BRF1: variants seen among roughly 807,000 people sequenced by gnomAD.
BRF1 encodes transcription factor IIIB 90 kDa subunit.
A neutral mutation model predicts 81.7 loss-of-function variants in BRF1; 59 were observed. The ratio of observed to expected loss-of-function variants is 0.72; its 90% CI spans 0.59 to 0.90. The LOEUF is 0.90. Among genes scored for constraint, BRF1 ranks in the 40% least tolerant of loss-of-function variants. The pLI is 0.00. For missense variants in BRF1, 1,050 were observed against 936.3 expected (o/e 1.12, Z -1.58); for synonymous variants, 491 against 395.6 (o/e 1.24, Z -2.86).
At chr14:105,260,790 C>A (rs1348197774) in intron 3 of BRF1, among the ~76,000 whole-genome samples, 1 of 152,258 alleles carries the variant, frequency 6.6e-6, no homozygotes, top group Admixed American at 6.5e-5. Context: ...AATCACCTGG[C>A]ACTTGATCCG....
chr14:105,246,474 T>C (rs1055632339), intron 5 of BRF1, among the ~76,000 whole-genome samples: 1 of 151,228 alleles, frequency 6.6e-6, no homozygotes. Context: ...GCCAGGAGTT[T>C]AAGACCAGCC....
Position 105,221,739 on chromosome 14 carries a change from C to A in BRF1, c.1224G>T (p.Leu408=). Residue 408 remains leucine, a synonymous_variant, in exon 11 of 18, where the codon CTG becomes CTT. Transcript: ENST00000547530. Reference sequence around the variant, plus strand: ...TGGGGAGGGGGTCCAGCAGGGACCCCAGGGCCGGAGGTCTGCCGCCCCACT... The same window carrying A: ...TGGGGAGGGGGTCCAGCAGGGACCCAAGGGCCGGAGGTCTGCCGCCCCACT... ...SPEWGGRPPA[L]GSLLDPLPTA... is the part of the protein sequence containing the mutation. 6.2e-7 allele frequency: 1 copy of A among 1,610,510 alleles called. No homozygotes were observed. The highest frequency in any genetic ancestry group is 2.2e-5 in the East Asian group (1 of 44,860).
intron 3 of BRF1, among the ~76,000 whole-genome samples, chr14:105,267,447 G>GTACAC (rs2056467778): frequency 1.3e-5 from 2 of 151,708 alleles, no homozygotes; most frequent in African/African-American, 4.8e-5. Context: ...GAGACCACAG[G>GTACAC]TACACACCAC....
chr14:105,221,952 G>T, intron 10 of BRF1, 38 bp from the exon 11 acceptor site: 1 of 1,523,078 alleles, frequency 6.6e-7, no homozygotes, highest in Non-Finnish European at 8.8e-7. Flanking sequence ...CAGGCAGAGG[G>T]CCAGGGTGCC....
intron 4 of BRF1, chr14:105,256,268 C>A: frequency 6.5e-7 from 1 of 1,544,938 alleles, no homozygotes; most frequent in Non-Finnish European, 8.7e-7. Context: ...CTAGCTAACA[C>A]CCAACCGTGC....
At chr14:105,301,532 T>G (rs1369987609), upstream of BRF1, among the ~76,000 whole-genome samples, 2 of 152,058 alleles carry the variant, frequency 1.3e-5, no homozygotes, top group East Asian at 3.9e-4. Flanking sequence ...GCAGCTGCGC[T>G]GGGGGGCCTG....
chr14:105,217,266 G>C, intron 15 of BRF1: 1 of 568,706 alleles, frequency 1.8e-6, no homozygotes, highest in Non-Finnish European at 3.1e-6. Flanking sequence ...CCCACGGATT[G>C]TCCCAGCCCC....
chr14:105,220,891 G>T (rs1892175778), intron 11 of BRF1, among the ~76,000 whole-genome samples: 1 of 152,230 alleles, frequency 6.6e-6, no homozygotes, highest in African/African-American at 2.4e-5. Flanking sequence ...TCTGCTCAGG[G>T]TCACTGTGCC....
chr14:105,244,253 G>C (rs906479478), intron 5 of BRF1, among the ~76,000 whole-genome samples: 28 of 152,170 alleles, frequency 1.8e-4, no homozygotes, highest in African/African-American at 6.0e-4. Context: ...AACCAGCCTA[G>C]GCAATATAGT....
intron 15 of BRF1, 56 bp from the exon 16 acceptor site, chr14:105,212,220 A>G: frequency 3.2e-6 from 5 of 1,575,378 alleles, no homozygotes; most frequent in Non-Finnish European, 4.3e-6. Flanking sequence ...ACGCCTGCCC[A>G]CTTGTTCCCT....
intron 3 of BRF1, among the ~76,000 whole-genome samples, chr14:105,258,134 G>GT (rs2140330584): frequency 6.6e-6 from 1 of 152,342 alleles, no homozygotes; most frequent in South Asian, 2.1e-4. Flanking sequence ...ATTGAAGGGG[G>GT]TGTATGGGAA....
intron 5 of BRF1, among the ~76,000 whole-genome samples, chr14:105,251,539 G>A (rs771095445): frequency 1.3e-5 from 2 of 152,174 alleles, no homozygotes; most frequent in Non-Finnish European, 2.9e-5. Flanking sequence ...TGGAAAACCT[G>A]TATGACCCCC....
At position 105,295,404 on chromosome 14, in the gene BRF1, C is replaced by T. The variant is rs7159894; in HGVS notation, c.184+5042G>A. Among the ~76,000 whole-genome samples the T allele has an allele frequency of 7.0e-3, 1,056 of 151,710 alleles. 33 individuals carry two copies. The East Asian group carries it at 0.12, about 17-fold the overall frequency. ...GAGAATTACTTGAGCCCAGGAGTTCCAGACGAGCCTGGTCAACATGGCAAA... is the reference window on the plus strand; with the variant it reads ...GAGAATTACTTGAGCCCAGGAGTTCTAGACGAGCCTGGTCAACATGGCAAA... On this transcript the variant is annotated intron_variant, in intron 1 of 17. Transcript: ENST00000547530.
intron 5 of BRF1, chr14:105,250,952 T>A: frequency 2.3e-6 from 1 of 426,378 alleles, no homozygotes; most frequent in Non-Finnish European, 4.4e-6. Context: ...TGCCACCTGC[T>A]TTGAGGGGTT....
chr14:105,251,058 AG>A (rs2055578604), intron 5 of BRF1: 2 of 228,780 alleles, frequency 8.7e-6, no homozygotes, highest in Non-Finnish European at 1.9e-5. Context: ...CACTTAAAAT[AG>A]TGGACTTCTG....
chr14:105,274,230 T>C (rs1228299567), intron 2 of BRF1, among the ~76,000 whole-genome samples: 2 of 152,164 alleles, frequency 1.3e-5, no homozygotes, highest in African/African-American at 4.8e-5. Flanking sequence ...CTTGCTGACC[T>C]TCTCCCCACT....
chr14:105,228,308 T>G (rs2054155188), intron 7 of BRF1: 2 of 152,944 alleles, frequency 1.3e-5, no homozygotes, highest in Admixed American at 1.3e-4. Flanking sequence ...ATCCCAGCAC[T>G]TTGGGAGGCC....
chr14:105,283,708 T>C (rs1317122462), intron 2 of BRF1, among the ~76,000 whole-genome samples: 1 of 152,254 alleles, frequency 6.6e-6, no homozygotes, highest in Admixed American at 6.5e-5. Flanking sequence ...CTTTGCAATT[T>C]GTATAGGTCT....
intron 1 of BRF1, among the ~76,000 whole-genome samples, chr14:105,306,849 A>G (rs940202197): frequency 2.0e-5 from 3 of 151,224 alleles, no homozygotes; most frequent in African/African-American, 4.9e-5. Flanking sequence ...CAAATGATCC[A>G]TCTGCCTTGG....
Sources: allele counts gnomAD v4.1 joint callset (sites outside exome capture counted in the v4.1 genomes callset), GRCh38; gene constraint gnomAD v4.1.1; transcripts MANE v1.5; gene names NCBI Gene and HGNC (gene_info 2026-07-23, HGNC 2026-07-21).